NNT: variants seen among roughly 807,000 people sequenced by gnomAD.
NNT encodes the protein nicotinamide nucleotide transhydrogenase.
NNT carries 50 observed loss-of-function variants against 104.8 expected under a neutral mutation model. The ratio of observed to expected loss-of-function variants is 0.48; its 90% confidence interval spans 0.38 to 0.60. The LOEUF (loss-of-function observed/expected upper bound fraction) is 0.60, where lower values mean the gene tolerates loss of function less well. Among genes scored for constraint, NNT ranks in the 20% least tolerant of loss-of-function variants. The probability of loss-of-function intolerance (pLI) is 0.00; values close to 1 mark genes in which losing one functional copy is unlikely to be tolerated. For missense variants in NNT, 1,131 were observed against 1,330.7 expected, an observed-to-expected ratio of 0.85 and a Z score of 2.33; for synonymous variants, 461 against 490.4, an observed-to-expected ratio of 0.94 and a Z score of 0.79.
chr5:43,621,189 G>A (rs1441845604), intron 5 of NNT, among the ~76,000 whole-genome samples: 1 of 152,240 alleles, frequency 6.6e-6, no homozygotes, highest in Non-Finnish European at 1.5e-5. Context: ...AGTGGCCCAG[G>A]ACGGTTTTGA....
chr5:43,662,140 G>A (rs775554206), intron 17 of NNT, among the ~76,000 whole-genome samples: 5 of 152,052 alleles, frequency 3.3e-5, no homozygotes, highest in Non-Finnish European at 7.4e-5. Flanking sequence ...TTTAAAAATG[G>A]TTTTCTTTAG....
chr5:43,613,380 A>G (rs1749606092), intron 3 of NNT: 3 of 424,532 alleles, frequency 7.1e-6, no homozygotes, highest in Admixed American at 4.0e-5. Flanking sequence ...CATTTGCTAT[A>G]TGGACATTTT....
chr5:43,672,016 C>T (rs952399272), intron 17 of NNT, among the ~76,000 whole-genome samples: 1 of 151,972 alleles, frequency 6.6e-6, no homozygotes, highest in Admixed American at 6.6e-5. Context: ...CTTCTCTTCT[C>T]GCTTCATTTC....
At chr5:43,680,314 G>A (rs10058837) in intron 19 of NNT, among the ~76,000 whole-genome samples, 1,743 of 152,018 alleles carry the variant, frequency 0.011, 33 homozygotes, top group African/African-American at 0.036. Flanking sequence ...TTGAACAAGA[G>A]ATGGCTGCAG....
chr5:43,659,158 A>G lies in NNT; in HGVS notation c.2455-13A>G. ...GTTATTAATTTTGAGTTCTGATTTG[A>G]TTGTTGTTCTAGGGTGTGACTTTGA... On this transcript the variant is annotated splice_polypyrimidine_tract_variant and intron_variant, in intron 16 of 21. Coordinates refer to ENST00000344920, the MANE Select transcript of NNT (RefSeq NM_182977.3). 6.5e-7 allele frequency: 1 copy of G among 1,542,320 alleles called. No individual in the cohort carries two copies. Among genetic ancestry groups the G allele is most frequent in the South Asian group, 1.2e-5 (1 of 81,330 alleles).
intron 7 of NNT, among the ~76,000 whole-genome samples, chr5:43,637,973 G>T (rs181466791): frequency 6.6e-6 from 1 of 152,118 alleles, no homozygotes; most frequent in African/African-American, 2.4e-5. Context: ...ATCTTGAATT[G>T]TTGTTCCCAT....
chr5:43,696,359 A>G (rs1460282557), intron 19 of NNT, among the ~76,000 whole-genome samples: 1 of 152,164 alleles, frequency 6.6e-6, no homozygotes, highest in Non-Finnish European at 1.5e-5. Context: ...CTGATACAAG[A>G]GGTGGGTTCC....
chr5:43,669,190 T>A (rs1298356250), intron 17 of NNT, among the ~76,000 whole-genome samples: 1 of 152,102 alleles, frequency 6.6e-6, no homozygotes, highest in Non-Finnish European at 1.5e-5. Flanking sequence ...GCTGAGACAA[T>A]GGGGTTTTCT....
intron 7 of NNT, among the ~76,000 whole-genome samples, chr5:43,635,078 T>C (rs1750864573): frequency 6.6e-6 from 1 of 152,174 alleles, no homozygotes; most frequent in South Asian, 2.1e-4. Context: ...ACCATATGCA[T>C]TGCTGTATCT....
chr5:43,640,607 G>A (rs1032685522), intron 7 of NNT, among the ~76,000 whole-genome samples: 1 of 151,932 alleles, frequency 6.6e-6, no homozygotes, highest in African/African-American at 2.4e-5. Context: ...AAAGTACAAA[G>A]TAGAAAATAA....
At chr5:43,608,648 C>T (rs969153483) in intron 1 of NNT, among the ~76,000 whole-genome samples, 12 of 152,304 alleles carry the variant, frequency 7.9e-5, no homozygotes, top group Non-Finnish European at 1.5e-4. Context: ...CTGCACTGAA[C>T]AGGATGTCAG....
chr5:43,616,941 C>G (rs1442239413), intron 4 of NNT, among the ~76,000 whole-genome samples: 1 of 152,038 alleles, frequency 6.6e-6, no homozygotes, highest in Non-Finnish European at 1.5e-5. Context: ...AAGAAAATAA[C>G]CTTTTTAAAA....
chr5:43,623,471 T>C (rs1750202806), intron 5 of NNT, among the ~76,000 whole-genome samples: 1 of 152,222 alleles, frequency 6.6e-6, no homozygotes, highest in Non-Finnish European at 1.5e-5. Context: ...TGCTTCAGAC[T>C]TACGGAGAGT....
intron 17 of NNT, among the ~76,000 whole-genome samples, chr5:43,671,348 C>T (rs1217693207): frequency 6.6e-6 from 1 of 152,124 alleles, no homozygotes; most frequent in African/African-American, 2.4e-5. Flanking sequence ...GGTTATTTTG[C>T]TCGTTAGTTG....
intron 7 of NNT, among the ~76,000 whole-genome samples, chr5:43,643,100 A>T (rs565812541): frequency 1.3e-5 from 2 of 151,592 alleles, no homozygotes; most frequent in African/African-American, 4.8e-5. Context: ...AAGTTTTTTT[A>T]TTTTTGTAGA....
intron 19 of NNT, among the ~76,000 whole-genome samples, chr5:43,686,232 T>A (rs1475727981): frequency 1.3e-5 from 2 of 151,320 alleles, no homozygotes; most frequent in Non-Finnish European, 2.9e-5. Flanking sequence ...TAACAAATAC[T>A]GTTGAATTTT....
chr5:43,645,561 TTATATA>T, intron 10 of NNT, 51 bp downstream of exon 10: 1 of 1,136,542 alleles, frequency 8.8e-7, no homozygotes, highest in Non-Finnish European at 1.2e-6. Context: ...ATTTTGCAAG[TTATATA>T]TATATATATC....
chr5:43,662,994 C>T (rs934145597), intron 17 of NNT, among the ~76,000 whole-genome samples: 5 of 151,876 alleles, frequency 3.3e-5, no homozygotes, highest in Non-Finnish European at 5.9e-5. Flanking sequence ...ACCTAAACTT[C>T]CATTACCACT....
intron 19 of NNT, among the ~76,000 whole-genome samples, chr5:43,694,297 C>T (rs1203453518): frequency 6.6e-6 from 1 of 152,160 alleles, no homozygotes; most frequent in Admixed American, 6.6e-5. Context: ...ATTGCTCTGG[C>T]AAAGACTCTC....
Sources: allele counts gnomAD v4.1 joint callset (sites outside exome capture counted in the v4.1 genomes callset), GRCh38; gene constraint gnomAD v4.1.1; transcripts MANE v1.5; gene names NCBI Gene and HGNC (gene_info 2026-07-23, HGNC 2026-07-21).